LDB2: variants seen among roughly 807,000 people sequenced by gnomAD.
LDB2 encodes LIM domain binding 2, also known as LIM domain-binding protein 2.
In LDB2, 12 loss-of-function variants were observed where a neutral mutation model predicts 44.3. That is an observed-to-expected ratio of 0.27 (90% CI 0.17 to 0.44). The LOEUF is 0.44. Ranked by LOEUF, LDB2 falls within the 20% of genes least tolerant of loss-of-function variation. The pLI is 1.00. For synonymous variants in LDB2, 164 were observed against 174.8 expected (o/e 0.94, Z 0.49); for missense variants, 344 against 473.5 (o/e 0.73, Z 2.54).
chr4:16,780,612 G>A lies in LDB2; in HGVS notation c.133-21352C>T, dbSNP rs572076099. 4.6e-5 allele frequency among the ~76,000 whole-genome samples: 7 copies of A among 152,232 alleles called. No individual in the cohort carries two copies. The East Asian group carries it at 1.4e-3, about 29-fold the overall frequency. On this transcript the variant is annotated intron_variant, in intron 1 of 7. Coordinates refer to ENST00000304523, the MANE Select transcript of LDB2 (RefSeq NM_001290.5). ...CTTGAAGAATGCAAGCCAAGGAGACGCTGTATTTGTGTATCAGTGGAAATG... is the reference window on the plus strand; with the variant it reads ...CTTGAAGAATGCAAGCCAAGGAGACACTGTATTTGTGTATCAGTGGAAATG...
chr4:16,571,133 GCCAAGCT>G (rs1271961303), intron 5 of LDB2, among the ~76,000 whole-genome samples: 3 of 152,184 alleles, frequency 2.0e-5, no homozygotes, highest in African/African-American at 7.2e-5. Context: ...GGTCTTGCAG[GCCAAGCT>G]AAGTATTTTG....
chr4:16,518,433 G>C (rs1398461054), intron 5 of LDB2, among the ~76,000 whole-genome samples: 2 of 151,366 alleles, frequency 1.3e-5, no homozygotes, highest in African/African-American at 4.9e-5. Context: ...TTGTATGTAG[G>C]TCTCTTCAGA....
At chr4:16,666,501 A>C (rs1003040567) in intron 2 of LDB2, among the ~76,000 whole-genome samples, 1 of 152,190 alleles carries the variant, frequency 6.6e-6, no homozygotes, top group African/African-American at 2.4e-5. Context: ...ATGTGGAATA[A>C]ACATGAGCTT....
intron 2 of LDB2, among the ~76,000 whole-genome samples, chr4:16,731,413 A>G (rs146235968): frequency 6.6e-6 from 1 of 152,168 alleles, no homozygotes; most frequent in Non-Finnish European, 1.5e-5. Context: ...TTGGGATGTT[A>G]GAAGAGGCCA....
chr4:16,560,293 G>C (rs1741559173), intron 5 of LDB2, among the ~76,000 whole-genome samples: 1 of 151,916 alleles, frequency 6.6e-6, no homozygotes, highest in South Asian at 2.1e-4. Flanking sequence ...TTTTTGAAAG[G>C]ATCAACAAAA....
At chr4:16,837,815 T>C (rs1395911846) in intron 1 of LDB2, among the ~76,000 whole-genome samples, 1 of 152,228 alleles carries the variant, frequency 6.6e-6, no homozygotes, top group East Asian at 1.9e-4. Context: ...ATGGTGGTTG[T>C]TTCAAGCACT....
At position 16,501,885 on chromosome 4, in the gene LDB2, A is replaced by G. The variant is rs1444184267; in HGVS notation, c.*758T>C. ...AACCAATGGATTACATGGCTTGAAA[A>G]TATTTGGATCAACAGCAACTTTACA... On this transcript the variant is annotated 3_prime_UTR_variant, in exon 8 of 8. Coordinates refer to ENST00000304523, the MANE Select transcript of LDB2 (RefSeq NM_001290.5). The G allele has an allele frequency of 6.5e-6, 1 of 152,680 alleles. No individual in the cohort carries two copies. The highest frequency in any genetic ancestry group is 1.5e-5 in the Non-Finnish European group (1 of 68,048). The allele number at this position is 152,680 out of a possible 1,614,324, so 9.5% of individuals were successfully genotyped here.
intron 1 of LDB2, among the ~76,000 whole-genome samples, chr4:16,830,140 A>G (rs1783801710): frequency 6.6e-6 from 1 of 152,108 alleles, no homozygotes; most frequent in African/African-American, 2.4e-5. Context: ...AAAGAGAAGA[A>G]AAACACATAC....
At chr4:16,658,537 A>G (rs886944479) in intron 2 of LDB2, among the ~76,000 whole-genome samples, 6 of 122,628 alleles carry the variant, frequency 4.9e-5, no homozygotes, top group Non-Finnish European at 9.1e-5. Context: ...CAATGTTTCT[A>G]GATCTGATTT....
At chr4:16,868,558 C>T (rs543025124) in intron 1 of LDB2, among the ~76,000 whole-genome samples, 92 of 152,260 alleles carry the variant, frequency 6.0e-4, no homozygotes, top group African/African-American at 2.1e-3. Context: ...CAAAGCAAAA[C>T]GAATATTCAC....
chr4:16,557,423 G>A lies in LDB2; in HGVS notation c.615+28499C>T, dbSNP rs150427126. On this transcript the variant is annotated intron_variant, in intron 5 of 7. Transcript: ENST00000304523. Reference sequence around the variant, plus strand: ...GGAGATTATATCCCGCACCTGGCTCGGAGGGTCCTACGCCCACGGAATCTC... The same window carrying A: ...GGAGATTATATCCCGCACCTGGCTCAGAGGGTCCTACGCCCACGGAATCTC... Among the ~76,000 whole-genome samples the A allele has an allele frequency of 3.5e-3, 539 of 152,336 alleles. 6 individuals are homozygous for A. The highest frequency in any genetic ancestry group is 0.012 in the African/African-American group (506 of 41,582).
intron 1 of LDB2, among the ~76,000 whole-genome samples, chr4:16,888,168 G>A (rs926593366): frequency 3.3e-5 from 5 of 152,200 alleles, no homozygotes; most frequent in Non-Finnish European, 5.9e-5. Context: ...AGAAGCATGC[G>A]TCCTTAGAAG....
At chr4:16,503,077 G>A (rs778254295) in intron 7 of LDB2, 19 of 1,537,660 alleles carry the variant, frequency 1.2e-5, no homozygotes, top group African/African-American at 1.4e-5. Flanking sequence ...ACAACCACGC[G>A]AGTTTATGTC....
At position 16,843,079 on chromosome 4, in the gene LDB2, T is replaced by A. The variant is rs139128608; in HGVS notation, c.132+55275A>T. On this transcript the variant is annotated intron_variant, in intron 1 of 7. Coordinates refer to ENST00000304523, the MANE Select transcript of LDB2 (RefSeq NM_001290.5). ...TTTCCTTTCCTTATTGTCAGCCTAA[T>A]TGCAATCATTCAGTATATACAAATC... 2.0e-4 allele frequency among the ~76,000 whole-genome samples: 30 copies of A among 152,318 alleles called. 1 individual carries two copies. Among genetic ancestry groups the A allele is most frequent in the African/African-American group, 6.7e-4 (28 of 41,582 alleles).
intron 2 of LDB2, among the ~76,000 whole-genome samples, chr4:16,608,821 A>G (rs1209490253): frequency 2.0e-5 from 3 of 152,052 alleles, no homozygotes; most frequent in African/African-American, 7.2e-5. Flanking sequence ...AGAGAGGAAC[A>G]CCAGACATCT....
chr4:16,560,413 C>A (rs1255880627), intron 5 of LDB2, among the ~76,000 whole-genome samples: 1 of 152,144 alleles, frequency 6.6e-6, no homozygotes, highest in East Asian at 1.9e-4. Context: ...GAAATACAAA[C>A]TACCATCAGA....
At chr4:16,785,905 T>C (rs1449993986) in intron 1 of LDB2, among the ~76,000 whole-genome samples, 1 of 152,102 alleles carries the variant, frequency 6.6e-6, no homozygotes, top group African/African-American at 2.4e-5. Flanking sequence ...AGCTTCATTT[T>C]CCTCCTTAAG....
At chr4:16,740,791 T>C (rs1763097030) in intron 2 of LDB2, among the ~76,000 whole-genome samples, 3 of 152,250 alleles carry the variant, frequency 2.0e-5, no homozygotes, top group Non-Finnish European at 4.4e-5. Context: ...CATTCATAGT[T>C]TGACAGGCTT....
At chr4:16,767,757 A>G (rs1002599686) in intron 1 of LDB2, among the ~76,000 whole-genome samples, 3 of 152,216 alleles carry the variant, frequency 2.0e-5, no homozygotes, top group African/African-American at 7.2e-5. Context: ...ATATCATCAA[A>G]GCTTCTTTAT....
Sources: gnomAD v4.1 joint callset for allele counts (sites outside exome capture counted in the v4.1 genomes callset) on GRCh38, gnomAD v4.1.1 for gene constraint, MANE v1.5 for transcripts, NCBI Gene and HGNC (gene_info 2026-07-23, HGNC 2026-07-21) for gene names.